Variants in OSBPL10 observed in about 807,000 individuals in gnomAD.
OSBPL10 encodes oxysterol-binding protein-related protein 10.
OSBPL10 carries 49 observed loss-of-function variants against 81.7 expected under a neutral mutation model. The ratio of observed to expected loss-of-function variants is 0.60; its 90% CI spans 0.48 to 0.76. OSBPL10 has a LOEUF of 0.76. Among genes scored for constraint, OSBPL10 ranks in the 30% least tolerant of loss-of-function variants. OSBPL10 has a pLI of 0.00. For synonymous variants in OSBPL10, 419 were observed against 383.6 expected (o/e 1.09, Z -1.08); for missense variants, 923 against 987.8 (o/e 0.93, Z 0.88).
intron 1 of OSBPL10, among the ~76,000 whole-genome samples, chr3:31,959,722 G>A (rs923468098): frequency 6.6e-6 from 1 of 152,114 alleles, no homozygotes; most frequent in Non-Finnish European, 1.5e-5. Flanking sequence ...TTCTAACTCA[G>A]CGACAAACTC....
chr3:31,785,602 G>C (rs568267696), intron 4 of OSBPL10, among the ~76,000 whole-genome samples: 183 of 152,046 alleles, frequency 1.2e-3, no homozygotes, highest in Non-Finnish European at 2.3e-3. Flanking sequence ...AACATCGTGG[G>C]TGACTCTGAA....
At chr3:31,888,202 G>C (rs182692070) in intron 1 of OSBPL10, among the ~76,000 whole-genome samples, 1 of 152,066 alleles carries the variant, frequency 6.6e-6, no homozygotes, top group Non-Finnish European at 1.5e-5. Flanking sequence ...TTTGACAAAG[G>C]CACCAAAAAC....
At chr3:31,708,841 G>A in intron 6 of OSBPL10, 1 of 985,422 alleles carries the variant, frequency 1.0e-6, no homozygotes, top group Non-Finnish European at 1.2e-6. Flanking sequence ...AAGGGTGGAT[G>A]TTCCACTTTG....
chr3:31,794,604 G>A lies in OSBPL10; in HGVS notation c.729+35436C>T, dbSNP rs575767665. The A allele has an allele frequency of 2.7e-4, 96 of 354,478 alleles. 1 individual carries two copies. In the South Asian group the frequency reaches 3.0e-3, roughly 11 times the overall value. 22.0% of individuals were successfully genotyped at this position (354,478 alleles called of 1,614,324 possible). A position where few individuals can be genotyped will look rare whatever the true frequency, so the allele number is the denominator to read the frequency against. On this transcript the variant is annotated intron_variant, in intron 4 of 11. Coordinates refer to ENST00000396556, the MANE Select transcript of OSBPL10 (RefSeq NM_017784.5). ...GATGCCTGTACTGTGACGTGATGCT[G>A]AAGAACCTGGCACTTTTATCTTCCC...
At chr3:31,815,372 T>TG (rs1699811620) in intron 4 of OSBPL10, among the ~76,000 whole-genome samples, 1 of 152,234 alleles carries the variant, frequency 6.6e-6, no homozygotes, top group East Asian at 1.9e-4. Flanking sequence ...GGAGATGTTT[T>TG]GTTTTACAGC....
chr3:31,675,933 G>A lies in OSBPL10; in HGVS notation c.1727-4950C>T, dbSNP rs796180818. On this transcript the variant is annotated intron_variant, in intron 8 of 11. Transcript: ENST00000396556. ...TGCACTGCAGCCTGGGCGACAGAGC[G>A]AGACTCCATCTCAAAAAAAAAAAAA... Among the ~76,000 whole-genome samples the A allele has an allele frequency of 3.2e-4, 43 of 132,910 alleles. 1 individual carries two copies. The highest frequency in any genetic ancestry group is 1.4e-3 in the South Asian group (6 of 4,304). The allele number at this position is 132,910 out of a possible 152,430, so 87.2% of individuals were successfully genotyped here. A position where few individuals can be genotyped will look rare whatever the true frequency, so the allele number is the denominator to read the frequency against.
chr3:31,948,865 ATGGAG>A (rs2125440645), intron 1 of OSBPL10, among the ~76,000 whole-genome samples: 1 of 152,354 alleles, frequency 6.6e-6, no homozygotes, highest in East Asian at 1.9e-4. Flanking sequence ...ACCATCCATG[ATGGAG>A]TTAGAGAGTA....
At chr3:31,801,559 C>G (rs1003500498) in intron 4 of OSBPL10, among the ~76,000 whole-genome samples, 17 of 152,138 alleles carry the variant, frequency 1.1e-4, no homozygotes, top group African/African-American at 4.1e-4. Flanking sequence ...CAGGCCCAGG[C>G]CCCTGAGGTC....
At chr3:31,871,130 C>T (rs1349167804) in intron 3 of OSBPL10, among the ~76,000 whole-genome samples, 2 of 152,182 alleles carry the variant, frequency 1.3e-5, no homozygotes, top group South Asian at 2.1e-4. Context: ...CCGTCCCCTT[C>T]TGCACTGTAG....
At chr3:31,981,533 C>A (rs1698844346), upstream of OSBPL10, among the ~76,000 whole-genome samples, 1 of 152,102 alleles carries the variant, frequency 6.6e-6, no homozygotes, top group African/African-American at 2.4e-5. This position sits in a 1 kb window ranked among gnomAD's most constrained non-coding sequence, Gnocchi z 4.5. Flanking sequence ...GCCCTCGGGA[C>A]ACTCTAGGAG....
At chr3:31,820,839 T>C (rs1425794522) in intron 4 of OSBPL10, among the ~76,000 whole-genome samples, 2 of 152,132 alleles carry the variant, frequency 1.3e-5, no homozygotes, top group African/African-American at 2.4e-5. Context: ...ACCTAATCTA[T>C]AGAGAAGTAT....
chr3:31,921,246 TTA>T (rs1357666034), intron 1 of OSBPL10, among the ~76,000 whole-genome samples: 1 of 152,240 alleles, frequency 6.6e-6, no homozygotes, highest in Non-Finnish European at 1.5e-5. Flanking sequence ...TGTACTTTTT[TTA>T]TGTCAGCTAA....
intron 6 of OSBPL10, chr3:31,733,051 A>G: frequency 1.6e-6 from 1 of 637,534 alleles, no homozygotes. Flanking sequence ...GTAGGATCAC[A>G]ATTCACCCAC....
chr3:31,704,731 T>C (rs901036141), intron 6 of OSBPL10: 1 of 152,280 alleles, frequency 6.6e-6, no homozygotes, highest in Admixed American at 6.5e-5. Flanking sequence ...TCACAAGCCA[T>C]TGCAGGGGAA....
intron 1 of OSBPL10, among the ~76,000 whole-genome samples, chr3:31,952,617 A>G (rs1697901242): frequency 6.6e-6 from 1 of 152,230 alleles, no homozygotes; most frequent in South Asian, 2.1e-4. Flanking sequence ...ACTACTATGT[A>G]AAATCCATTC....
rs146264880 is a variant in OSBPL10, at chr3:31,924,920, A to G, written c.282-45090T>C. Among the ~76,000 whole-genome samples, 335 of 152,318 alleles carry G rather than the reference A, an allele frequency of 2.2e-3. 2 individuals are homozygous for G. Among genetic ancestry groups the G allele is most frequent in the African/African-American group, 7.2e-3 (301 of 41,566 alleles). ...ATAATTTCATCTTTTCTTTTCAACT[A>G]AAATAGTAGCCATTCATTCAAATTT... On this transcript the variant is annotated intron_variant, in intron 1 of 11. Transcript: ENST00000396556.
In OSBPL10 at chr3:31,981,006, C is replaced by T. The variant is rs770209374; in HGVS notation, c.174G>A (p.Pro58=). The T allele has an allele frequency of 3.4e-6, 5 of 1,485,630 alleles. No individual in the cohort carries two copies. Among genetic ancestry groups the T allele is most frequent in the Non-Finnish European group, 4.5e-6 (5 of 1,122,166 alleles). 92.0% of individuals were successfully genotyped at this position (1,485,630 alleles called of 1,614,324 possible). The part of the protein sequence containing the change: ...GLGGGGSRSS[P]GSVAASPSGG... ...CGGACGGGCTAGCGGCCACAGAGCC[C>T]GGGCTGCTGCGGCTTCCCCCGCCGC... The change falls in exon 1 of 12, where the codon CCG becomes CCA. Residue 58 remains proline (P), a synonymous_variant. Transcript: ENST00000396556. The surrounding 1 kb of genome is among the most constrained non-coding windows in gnomAD (Gnocchi z 4.5).
chr3:31,985,175 G>A (rs1698917586), upstream of OSBPL10, among the ~76,000 whole-genome samples: 1 of 152,202 alleles, frequency 6.6e-6, no homozygotes, highest in African/African-American at 2.4e-5. Flanking sequence ...GAAGGCAGAG[G>A]TTGCAGTGAG....
At chr3:31,921,595 T>C (rs536201649) in intron 1 of OSBPL10, among the ~76,000 whole-genome samples, 22 of 152,280 alleles carry the variant, frequency 1.4e-4, no homozygotes, top group African/African-American at 4.8e-4. Flanking sequence ...CATGATTCCA[T>C]ACTGATATGA....
Sources: gnomAD v4.1 joint callset for allele counts (sites outside exome capture counted in the v4.1 genomes callset) on GRCh38, gnomAD v4.1.1 for gene constraint, Gnocchi (gnomAD v3.1) non-coding constraint, MANE v1.5 for transcripts, NCBI Gene and HGNC (gene_info 2026-07-23, HGNC 2026-07-21) for gene names.